The following IP6K1 variants were observed in gnomAD, a reference collection of about 807,000 sequenced individuals.
IP6K1 encodes the protein inositol hexakisphosphate kinase 1, also known as ATP:1D-myo-inositol-hexakisphosphate phosphotransferase.
In IP6K1, 13 loss-of-function variants were observed where a neutral mutation model predicts 38.3. The ratio of observed to expected loss-of-function variants is 0.34; its 90% CI spans 0.22 to 0.54. The LOEUF (loss-of-function observed/expected upper bound fraction) is 0.54. IP6K1 is among the 20% of genes least tolerant of loss of function. The probability of loss-of-function intolerance (pLI) is 0.92; values close to 1 mark genes in which losing one functional copy is unlikely to be tolerated. For synonymous variants in IP6K1, 212 were observed against 229.9 expected, an observed-to-expected ratio of 0.92 and a Z score of 0.70; for missense variants, 397 against 599.8, an observed-to-expected ratio of 0.66 and a Z score of 3.53.
At chr3:49,751,108 G>A (rs911704830) in intron 1 of IP6K1, among the ~76,000 whole-genome samples, 3 of 151,760 alleles carry the variant, frequency 2.0e-5, no homozygotes, top group East Asian at 1.9e-4. Context: ...GGCTTGCCTC[G>A]CCTAGTGCCC....
intron 1 of IP6K1, among the ~76,000 whole-genome samples, chr3:49,756,975 T>G (rs2080829424): frequency 6.6e-6 from 1 of 152,172 alleles, no homozygotes; most frequent in Non-Finnish European, 1.5e-5. Context: ...CAGCTAAGTC[T>G]CACCTAGCAC....
intron 1 of IP6K1, chr3:49,749,033 T>G (rs913366615): frequency 2.0e-5 from 3 of 152,172 alleles, no homozygotes; most frequent in African/African-American, 7.2e-5. Flanking sequence ...TTCATGCTCC[T>G]ATGAGAATCT....
chr3:49,748,051 G>A lies in IP6K1; in HGVS notation c.-11C>T, dbSNP rs759170952. 17 of 1,612,324 alleles carry A rather than the reference G, an allele frequency of 1.1e-5. No individual in the cohort carries two copies. In the Admixed American group the frequency reaches 2.8e-4, roughly 27 times the overall value. On this transcript the variant is annotated 5_prime_UTR_variant, in exon 2 of 6. Coordinates refer to ENST00000321599, the MANE Select transcript of IP6K1 (RefSeq NM_153273.4). ...TTGACAAACACACATTGCGTTGGGGGCCAGTTGCACACTGAGGGCAGAGGA... is the reference window on the plus strand; with the variant it reads ...TTGACAAACACACATTGCGTTGGGGACCAGTTGCACACTGAGGGCAGAGGA...
intron 2 of IP6K1, among the ~76,000 whole-genome samples, chr3:49,739,039 G>T (rs546936255): frequency 2.0e-5 from 3 of 152,250 alleles, no homozygotes; most frequent in East Asian, 3.9e-4. Context: ...GTTGTTTGTA[G>T]TGTCTTCTGG....
intron 2 of IP6K1, among the ~76,000 whole-genome samples, chr3:49,741,712 G>T (rs1446732934): frequency 6.6e-6 from 1 of 152,110 alleles, no homozygotes; most frequent in African/African-American, 2.4e-5. Context: ...CAAACATTCT[G>T]CCATAAATAT....
chr3:49,761,086 C>G (rs556593769), intron 1 of IP6K1, among the ~76,000 whole-genome samples: 35 of 151,842 alleles, frequency 2.3e-4, no homozygotes, highest in Non-Finnish European at 4.3e-4. Flanking sequence ...GAGGCCGAGG[C>G]GAATGGATCA....
chr3:49,729,934 C>T (rs1203013097), intron 4 of IP6K1, among the ~76,000 whole-genome samples: 1 of 151,884 alleles, frequency 6.6e-6, no homozygotes, highest in Admixed American at 6.6e-5. Context: ...GCTCTGTCAC[C>T]CAGACTGTAG....
intron 1 of IP6K1, among the ~76,000 whole-genome samples, chr3:49,751,559 A>C (rs1251183421): frequency 3.9e-5 from 6 of 152,090 alleles, no homozygotes; most frequent in Non-Finnish European, 7.4e-5. Flanking sequence ...GATGATGATG[A>C]TGTTGGTTGC....
chr3:49,754,110 T>C (rs1575316686), intron 1 of IP6K1, among the ~76,000 whole-genome samples: 1 of 152,164 alleles, frequency 6.6e-6, no homozygotes, highest in African/African-American at 2.4e-5. Context: ...GTCATGCCTG[T>C]AATCCTAACA....
chr3:49,746,711 T>G (rs996575103), intron 2 of IP6K1, among the ~76,000 whole-genome samples: 1 of 149,566 alleles, frequency 6.7e-6, no homozygotes, highest in East Asian at 2.0e-4. Flanking sequence ...TGTGAGCCAC[T>G]GTGCCCGGCC....
In IP6K1 at chr3:49,738,306, G is replaced by T; in HGVS notation, c.340C>A (p.Arg114=). ...AGGCTCCGGCGGGAGTGTTTGCGCC[G>T]AGGTTGCTCCCGTTCTGTTGTGTCA... is the stretch of plus-strand genomic sequence containing the variant. ...QDDTTEREQP[R]RKHSRRSLHR... Residue 114 remains arginine (R), a synonymous_variant, in exon 3 of 6, where the codon CGG becomes AGG. Coordinates refer to ENST00000321599, the MANE Select transcript of IP6K1 (RefSeq NM_153273.4). 6.2e-7 allele frequency: 1 copy of T among 1,614,208 alleles called. No individual in the cohort carries two copies. Among genetic ancestry groups the T allele is most frequent in the South Asian group, 1.1e-5 (1 of 91,080 alleles).
chr3:49,734,299 G>A (rs1298385197), intron 3 of IP6K1, among the ~76,000 whole-genome samples: 2 of 151,650 alleles, frequency 1.3e-5, no homozygotes, highest in Non-Finnish European at 2.9e-5. Flanking sequence ...CATACTGAAA[G>A]GCCAAGAAAA....
intron 1 of IP6K1, among the ~76,000 whole-genome samples, chr3:49,774,424 A>AAG (rs1553697049): frequency 6.6e-6 from 1 of 150,662 alleles, no homozygotes; most frequent in African/African-American, 2.5e-5. Flanking sequence ...AAAAAAAAAA[A>AAG]AAAAAGAAAA....
intron 1 of IP6K1, among the ~76,000 whole-genome samples, chr3:49,761,471 G>A (rs1037000829): frequency 9.9e-5 from 15 of 151,608 alleles, no homozygotes; most frequent in African/African-American, 2.9e-4. Context: ...AAAATTAGCC[G>A]GGCGCAATGG....
chr3:49,753,806 G>A (rs2080799246), intron 1 of IP6K1, among the ~76,000 whole-genome samples: 1 of 152,092 alleles, frequency 6.6e-6, no homozygotes, highest in East Asian at 1.9e-4. Flanking sequence ...AACAAAATAT[G>A]TTGGCCACAT....
intron 1 of IP6K1, among the ~76,000 whole-genome samples, chr3:49,772,428 G>A (rs1210577130): frequency 6.6e-6 from 1 of 150,764 alleles, no homozygotes; most frequent in East Asian, 1.9e-4. Context: ...TTTGAGACAG[G>A]GTCTTACTCT....
chr3:49,771,740 C>T (rs1022326684), intron 1 of IP6K1, among the ~76,000 whole-genome samples: 3 of 152,046 alleles, frequency 2.0e-5, no homozygotes, highest in African/African-American at 7.2e-5. Context: ...AAAACCTTTG[C>T]AAAAAAGTTC....
chr3:49,767,859 T>C (rs909926371), intron 1 of IP6K1, among the ~76,000 whole-genome samples: 1 of 152,148 alleles, frequency 6.6e-6, no homozygotes, highest in Admixed American at 6.6e-5. Flanking sequence ...TATAAAGTAC[T>C]TGTATAACTC....
rs924160077 is a variant in IP6K1, at chr3:49,781,879, T to TA, written c.-129+4474dup. Among the ~76,000 whole-genome samples the TA allele has an allele frequency of 5.9e-5, 9 of 151,920 alleles. 1 individual carries two copies. Among genetic ancestry groups the TA allele is most frequent in the South Asian group, 2.1e-4 (1 of 4,804 alleles). ...GGGAGGATCACTCAAACCCAGGAGT[T>TA]AGAGACCAGCCTGGGCAACAAACAA... On this transcript the variant is annotated intron_variant, in intron 1 of 5. Transcript: ENST00000321599.
Sources: gnomAD v4.1 joint callset for allele counts (sites outside exome capture counted in the v4.1 genomes callset) on GRCh38, gnomAD v4.1.1 for gene constraint, MANE v1.5 for transcripts, NCBI Gene and HGNC (gene_info 2026-07-23, HGNC 2026-07-21) for gene names.